DTWD2: variants seen among roughly 807,000 people sequenced by gnomAD.
DTWD2 encodes the protein DTW motif tRNA-uridine aminocarboxypropyltransferase 2.
Under a neutral mutation model 31.8 loss-of-function variants are expected in DTWD2, and 39 were observed. The ratio of observed to expected loss-of-function variants is 1.22; its 90% CI spans 0.95 to 1.60. The LOEUF (loss-of-function observed/expected upper bound fraction) is 1.60. Among genes scored for constraint, DTWD2 ranks in the 40% most tolerant of loss-of-function variants. The pLI is 0.00. For synonymous variants in DTWD2, 180 were observed against 142.8 expected, an observed-to-expected ratio of 1.26 and a Z score of -1.86; for missense variants, 515 against 381.5, an observed-to-expected ratio of 1.35 and a Z score of -2.92.
At chr5:118,941,112 C>T (rs1414912158) in intron 2 of DTWD2, among the ~76,000 whole-genome samples, 1 of 152,106 alleles carries the variant, frequency 6.6e-6, no homozygotes, top group African/African-American at 2.4e-5. Context: ...TAGAGCCTAT[C>T]TAAATGGTTA....
At chr5:118,902,598 T>C (rs1753236641) in intron 4 of DTWD2, among the ~76,000 whole-genome samples, 1 of 152,150 alleles carries the variant, frequency 6.6e-6, no homozygotes, top group Non-Finnish European at 1.5e-5. Flanking sequence ...TTTTAAAGTT[T>C]CTGATCAATG....
At chr5:118,899,812 T>C (rs1243367254) in intron 4 of DTWD2, among the ~76,000 whole-genome samples, 2 of 148,848 alleles carry the variant, frequency 1.3e-5, no homozygotes, top group African/African-American at 2.5e-5. Flanking sequence ...TTTTTTTTTT[T>C]TTTTTTTGAG....
chr5:118,909,251 A>G (rs1753405215), intron 4 of DTWD2, among the ~76,000 whole-genome samples: 2 of 152,262 alleles, frequency 1.3e-5, no homozygotes, highest in African/African-American at 4.8e-5. Flanking sequence ...AAAGACTCTA[A>G]CACCTTTCAA....
chr5:118,900,697 C>T (rs1248348164), intron 4 of DTWD2, among the ~76,000 whole-genome samples: 5 of 151,946 alleles, frequency 3.3e-5, no homozygotes, highest in Non-Finnish European at 5.9e-5. Flanking sequence ...GAGGCCAAGA[C>T]GGGCAGATCA....
chr5:118,973,604 TCCG>T (rs1561477939), intron 1 of DTWD2, among the ~76,000 whole-genome samples: 102 of 136,952 alleles, frequency 7.4e-4, no homozygotes, highest in African/African-American at 3.5e-3. Context: ...TTGTTCCTCG[TCCG>T]CCTCCTTGCT....
At chr5:118,887,537 T>C (rs1308637722) in intron 4 of DTWD2, among the ~76,000 whole-genome samples, 1 of 152,168 alleles carries the variant, frequency 6.6e-6, no homozygotes, top group Admixed American at 6.5e-5. Flanking sequence ...TCAAAATCAG[T>C]ATCTTGCCCT....
At chr5:118,841,823 T>G (rs1751721421) in intron 5 of DTWD2, among the ~76,000 whole-genome samples, 1 of 151,076 alleles carries the variant, frequency 6.6e-6, no homozygotes, top group South Asian at 2.1e-4. Flanking sequence ...ATATTTTGGG[T>G]GAGATTCCTT....
At chr5:118,871,216 CTT>C (rs1413659146) in intron 4 of DTWD2, among the ~76,000 whole-genome samples, 1 of 152,138 alleles carries the variant, frequency 6.6e-6, no homozygotes, top group Non-Finnish European at 1.5e-5. Context: ...TTTTAGTTCT[CTT>C]GTTATTTTCA....
rs575020769 is a variant in DTWD2, at chr5:118,836,283, C to A, written c.*4634G>T. Among the ~76,000 whole-genome samples, 27 of 152,138 alleles carry A rather than the reference C, an allele frequency of 1.8e-4. 1 individual carries two copies. The South Asian group carries it at 5.6e-3, about 32-fold the overall frequency. On this transcript the variant is annotated 3_prime_UTR_variant, in exon 6 of 6. Transcript: ENST00000510708. ...TGAGACACTGTCTCACTCTGTCGCCCAGGCTAGAGTGCAGTGGTACATCTC... is the reference window on the plus strand; with the variant it reads ...TGAGACACTGTCTCACTCTGTCGCCAAGGCTAGAGTGCAGTGGTACATCTC...
Position 118,840,511 on chromosome 5 carries a change from A to G in DTWD2, c.*406T>C, listed in dbSNP as rs1751685589. 1 of 152,546 alleles carries G rather than the reference A, an allele frequency of 6.6e-6. No homozygotes were observed. Among genetic ancestry groups the G allele is most frequent in the Non-Finnish European group, 1.5e-5 (1 of 68,274 alleles). The allele number at this position is 152,546 out of a possible 1,614,324, so 9.4% of individuals were successfully genotyped here. ...TTTCAAACTGTAAAGTCAGGACTGCAAACTGATGTAGGAATCTTATATTAT... is the reference window on the plus strand; with the variant it reads ...TTTCAAACTGTAAAGTCAGGACTGCGAACTGATGTAGGAATCTTATATTAT... On this transcript the variant is annotated 3_prime_UTR_variant, in exon 6 of 6. Transcript: ENST00000510708.
intron 4 of DTWD2, among the ~76,000 whole-genome samples, chr5:118,849,072 A>C (rs867195875): frequency 3.3e-4 from 50 of 152,348 alleles, no homozygotes; most frequent in African/African-American, 1.1e-3. Context: ...TGAAACTATC[A>C]TCAGAGTGAA....
In DTWD2 at chr5:118,988,400, G is replaced by C; in HGVS notation, c.112C>G (p.Pro38Ala). ...TCTGCGCCCAGGGCAGCCGCCGCCG[G>C]CACTGCGCCGCCCTCCCGCCGCTCC... ...DKERREGGAV[P>A]AAAALGAEAD... The change falls in exon 1 of 6, where the codon CCG (proline) becomes GCG (alanine). Residue 38 changes from proline to alanine, a missense_variant. Coordinates refer to ENST00000510708, the MANE Select transcript of DTWD2 (RefSeq NM_173666.4). 3.1e-6 allele frequency: 5 copies of C among 1,596,582 alleles called. No individual in the cohort carries two copies. Among genetic ancestry groups the C allele is most frequent in the Non-Finnish European group, 4.3e-6 (5 of 1,173,954 alleles).
intron 4 of DTWD2, among the ~76,000 whole-genome samples, chr5:118,868,152 T>C (rs1752420283): frequency 1.3e-5 from 2 of 152,002 alleles, no homozygotes; most frequent in South Asian, 2.1e-4. Context: ...TACAAGACCA[T>C]TCAATGGGAA....
intron 1 of DTWD2, among the ~76,000 whole-genome samples, chr5:118,979,941 A>G (rs1755262319): frequency 6.6e-6 from 1 of 152,228 alleles, no homozygotes; most frequent in South Asian, 2.1e-4. Flanking sequence ...GCAAACCACC[A>G]TGGCACATGT....
At chr5:118,900,075 G>A (rs1050795383) in intron 4 of DTWD2, among the ~76,000 whole-genome samples, 14 of 152,068 alleles carry the variant, frequency 9.2e-5, no homozygotes, top group African/African-American at 3.1e-4. Context: ...CCAAAGTGCT[G>A]GGATTACAGG....
chr5:118,847,139 C>A (rs1415574873), intron 5 of DTWD2, among the ~76,000 whole-genome samples: 3 of 152,020 alleles, frequency 2.0e-5, no homozygotes, highest in Non-Finnish European at 4.4e-5. Flanking sequence ...ATCTTGGTAG[C>A]TAATACATTT....
intron 1 of DTWD2, 44 bp from the exon 2 acceptor site, chr5:118,944,693 A>G (rs1754293996): frequency 1.3e-6 from 2 of 1,580,530 alleles, no homozygotes; most frequent in Non-Finnish European, 1.7e-6. Flanking sequence ...TTTTAAAAAT[A>G]CAATGATATA....
At chr5:118,982,524 A>G (rs1327011510) in intron 1 of DTWD2, among the ~76,000 whole-genome samples, 3 of 152,124 alleles carry the variant, frequency 2.0e-5, no homozygotes, top group East Asian at 1.9e-4. Context: ...AAGAATAAAC[A>G]TATTTTCTAT....
At chr5:118,973,409 T>C (rs1402986285) in intron 1 of DTWD2, among the ~76,000 whole-genome samples, 3 of 152,210 alleles carry the variant, frequency 2.0e-5, no homozygotes, top group Non-Finnish European at 1.5e-5. Context: ...TTCCTTTCCG[T>C]ATTTAGTGCT....
Sources: gnomAD v4.1 joint callset for allele counts (sites outside exome capture counted in the v4.1 genomes callset) on GRCh38, gnomAD v4.1.1 for gene constraint, MANE v1.5 for transcripts, NCBI Gene and HGNC (gene_info 2026-07-23, HGNC 2026-07-21) for gene names.